The following SORBS2 variants were observed in gnomAD, a reference collection of about 807,000 sequenced individuals.
The protein encoded by SORBS2 is sorbin and SH3 domain containing 2.
In SORBS2, 46 loss-of-function variants were observed where a neutral mutation model predicts 97.7. That is an observed-to-expected ratio of 0.47 (90% confidence interval 0.37 to 0.60). SORBS2 has a LOEUF of 0.60. Among genes scored for constraint, SORBS2 ranks in the 20% least tolerant of loss-of-function variants. SORBS2 has a pLI of 0.00. For missense variants in SORBS2, 1,316 were observed against 1,282.3 expected (o/e 1.03, Z -0.40); for synonymous variants, 476 against 473.4 (o/e 1.01, Z -0.07).
intron 1 of SORBS2, among the ~76,000 whole-genome samples, chr4:185,802,177 T>C (rs2099134127): frequency 6.6e-6 from 1 of 152,262 alleles, no homozygotes; most frequent in African/African-American, 2.4e-5. Flanking sequence ...TTGTATAAGT[T>C]ACTTCTGCGC....
chr4:185,658,689 A>G (rs1004504440), upstream of SORBS2, among the ~76,000 whole-genome samples: 1 of 128,278 alleles, frequency 7.8e-6, no homozygotes, highest in Admixed American at 9.4e-5. Flanking sequence ...TAAAATAAGT[A>G]AGCTTTTTTT....
chr4:185,744,095 C>T (rs1266997420), intron 2 of SORBS2, among the ~76,000 whole-genome samples: 5 of 143,682 alleles, frequency 3.5e-5, no homozygotes, highest in African/African-American at 1.3e-4. Context: ...CCACTTCCCC[C>T]TTTCTCTTCT....
At chr4:185,795,282 C>A (rs1166087399) in intron 1 of SORBS2, among the ~76,000 whole-genome samples, 2 of 152,156 alleles carry the variant, frequency 1.3e-5, no homozygotes, top group African/African-American at 4.8e-5. Flanking sequence ...AATCTCACAT[C>A]CTACACCCTC....
chr4:185,608,970 G>A (rs2096485931), intron 12 of SORBS2, among the ~76,000 whole-genome samples: 2 of 150,976 alleles, frequency 1.3e-5, no homozygotes, highest in African/African-American at 4.9e-5. Flanking sequence ...CCTATAGTAG[G>A]AGTGGGGTAT....
chr4:185,893,211 C>T (rs1029262219), intron 1 of SORBS2, among the ~76,000 whole-genome samples: 2 of 152,186 alleles, frequency 1.3e-5, no homozygotes, highest in Non-Finnish European at 2.9e-5. Flanking sequence ...CCTTATCATA[C>T]TAGGAAATGG....
At chr4:185,909,066 G>A (rs1382837345) in intron 1 of SORBS2, among the ~76,000 whole-genome samples, 1 of 152,084 alleles carries the variant, frequency 6.6e-6, no homozygotes, top group Non-Finnish European at 1.5e-5. Flanking sequence ...CATAGGAAAA[G>A]AAGTCGTTAT....
chr4:185,630,461 A>C, intron 5 of SORBS2, 88 bp downstream of exon 17: 1 of 718,236 alleles, frequency 1.4e-6, no homozygotes, highest in Non-Finnish European at 2.3e-6. Flanking sequence ...GATACATGAT[A>C]CTCATTACTA....
chr4:185,696,099 A>G (rs893154059), intron 2 of SORBS2, among the ~76,000 whole-genome samples: 1 of 152,240 alleles, frequency 6.6e-6, no homozygotes, highest in Non-Finnish European at 1.5e-5. Context: ...AGGAATAAGG[A>G]GACATTATTA....
At chr4:185,644,285 G>A (rs999806586) in intron 4 of SORBS2, among the ~76,000 whole-genome samples, 1 of 151,962 alleles carries the variant, frequency 6.6e-6, no homozygotes, top group African/African-American at 2.4e-5. Flanking sequence ...ATCCACACTC[G>A]AATCTCTGTC....
chr4:185,721,355 G>T (rs955865867), intron 2 of SORBS2, among the ~76,000 whole-genome samples: 1 of 152,156 alleles, frequency 6.6e-6, no homozygotes, highest in Non-Finnish European at 1.5e-5. Context: ...GATTACAGGC[G>T]TGAGCCAGCA....
chr4:185,691,645 C>A (rs2098097139), intron 2 of SORBS2, among the ~76,000 whole-genome samples: 1 of 152,168 alleles, frequency 6.6e-6, no homozygotes, highest in South Asian at 2.1e-4. Context: ...AAATCCATCT[C>A]TGCATTAGTA....
intron 2 of SORBS2, among the ~76,000 whole-genome samples, chr4:185,705,989 C>A (rs1297610087): frequency 6.6e-6 from 1 of 152,160 alleles, no homozygotes; most frequent in Non-Finnish European, 1.5e-5. Context: ...ACACTCATTC[C>A]TGAAAATCCC....
intron 1 of SORBS2, among the ~76,000 whole-genome samples, chr4:185,949,086 G>A (rs747546309): frequency 2.6e-5 from 4 of 151,932 alleles, no homozygotes; most frequent in Non-Finnish European, 4.4e-5. Context: ...GGAAACAGGA[G>A]GGGGGTTGGG....
chr4:185,935,877 A>T (rs899833986), intron 1 of SORBS2, among the ~76,000 whole-genome samples: 4 of 152,102 alleles, frequency 2.6e-5, no homozygotes, highest in Non-Finnish European at 5.9e-5. Context: ...TCTTTGTGAC[A>T]TGGTCTCACT....
chr4:185,645,493 T>C (rs1397764840), intron 4 of SORBS2: 1 of 152,174 alleles, frequency 6.6e-6, no homozygotes, highest in East Asian at 1.9e-4. Flanking sequence ...AAATATCATG[T>C]ATGAATTATC....
intron 4 of SORBS2, 62 bp downstream of exon 16, chr4:185,635,293 C>A: frequency 1.7e-6 from 2 of 1,189,710 alleles, no homozygotes; most frequent in Non-Finnish European, 2.5e-6. Flanking sequence ...CACAGATGTG[C>A]AGAATCACAG....
intron 1 of SORBS2, among the ~76,000 whole-genome samples, chr4:185,833,884 A>G (rs987747832): frequency 6.6e-6 from 1 of 152,208 alleles, no homozygotes; most frequent in Non-Finnish European, 1.5e-5. Context: ...TTTTTGCGTC[A>G]TATAAATAGT....
chr4:185,745,766 C>T (rs994637257), intron 2 of SORBS2, among the ~76,000 whole-genome samples: 3 of 152,140 alleles, frequency 2.0e-5, no homozygotes, highest in African/African-American at 4.8e-5. Flanking sequence ...CTATCTACCC[C>T]CTCCCCCGAT....
At chr4:185,921,053 C>T (rs2099260694) in intron 1 of SORBS2, among the ~76,000 whole-genome samples, 1 of 152,210 alleles carries the variant, frequency 6.6e-6, no homozygotes. Flanking sequence ...AATGCTGATA[C>T]TTTCCTTGTC....
Sources: gnomAD v4.1 joint callset for allele counts (sites outside exome capture counted in the v4.1 genomes callset) on GRCh38, gnomAD v4.1.1 for gene constraint, MANE v1.5 for transcripts, NCBI Gene and HGNC (gene_info 2026-07-23, HGNC 2026-07-21) for gene names.